USP34: variants seen among roughly 807,000 people sequenced by gnomAD.
USP34 encodes the protein ubiquitin carboxyl-terminal hydrolase 34.
A neutral mutation model predicts 460.3 loss-of-function variants in USP34; 70 were observed. The ratio of observed to expected loss-of-function variants is 0.15; its 90% confidence interval spans 0.13 to 0.19. The LOEUF is 0.19. Ranked by LOEUF, USP34 falls within the 10% of genes least tolerant of loss-of-function variation. USP34 has a pLI of 1.00. For missense variants in USP34, 3,985 were observed against 4,236.2 expected, an observed-to-expected ratio of 0.94 and a Z score of 1.65; for synonymous variants, 1,647 against 1,405.3, an observed-to-expected ratio of 1.17 and a Z score of -3.85.
intron 49 of USP34, among the ~76,000 whole-genome samples, chr2:61,247,055 T>C (rs1267154967): frequency 6.6e-6 from 1 of 152,012 alleles, no homozygotes; most frequent in East Asian, 1.9e-4. Context: ...AAACACTACG[T>C]ATTAAGAGAT....
chr2:61,300,361 G>C (rs1363800422), intron 29 of USP34, among the ~76,000 whole-genome samples: 1 of 151,608 alleles, frequency 6.6e-6, no homozygotes, highest in Admixed American at 6.6e-5. Flanking sequence ...GCTAATTTTT[G>C]TATTTTTAGT....
chr2:61,437,692 G>A (rs1178798752), intron 1 of USP34, among the ~76,000 whole-genome samples: 1 of 152,026 alleles, frequency 6.6e-6, no homozygotes, highest in Non-Finnish European at 1.5e-5. Flanking sequence ...AGAATGGCTT[G>A]AACACGGGAG....
At chr2:61,397,888 G>A (rs901967498) in intron 3 of USP34, among the ~76,000 whole-genome samples, 3 of 151,142 alleles carry the variant, frequency 2.0e-5, no homozygotes, top group Admixed American at 6.6e-5. Flanking sequence ...GACAAAGCAA[G>A]ACTTCATCTC....
chr2:61,369,205 TACCACAAGTAA>T (rs1692530064), intron 10 of USP34, among the ~76,000 whole-genome samples: 1 of 152,376 alleles, frequency 6.6e-6, no homozygotes, highest in South Asian at 2.1e-4. Context: ...TACCAGTATC[TACCACAAGTAA>T]ACCACACATA....
intron 10 of USP34, among the ~76,000 whole-genome samples, chr2:61,358,188 C>G (rs2103805169): frequency 9.1e-6 from 1 of 110,286 alleles, no homozygotes; most frequent in East Asian, 3.8e-4. Context: ...AGCGAGATTC[C>G]ATCTAAAATA....
chr2:61,281,322 A>AT, intron 37 of USP34, 80 bp from the exon 38 acceptor site: 1 of 1,478,522 alleles, frequency 6.8e-7, no homozygotes, highest in Non-Finnish European at 9.1e-7. Context: ...ATTTTAGGTG[A>AT]TTTTAAATAC....
intron 8 of USP34, among the ~76,000 whole-genome samples, chr2:61,375,416 CAT>C (rs1369055383): frequency 6.6e-6 from 1 of 152,004 alleles, no homozygotes; most frequent in African/African-American, 2.4e-5. Context: ...AAAATGAAAA[CAT>C]ATGATCACAA....
At chr2:61,314,036 T>C (rs1388094645) in intron 25 of USP34, among the ~76,000 whole-genome samples, 1 of 152,110 alleles carries the variant, frequency 6.6e-6, no homozygotes, top group Non-Finnish European at 1.5e-5. Context: ...AAATATTAAT[T>C]TGCTTTATTT....
chr2:61,416,833 C>CGGGG (rs1694210858), intron 2 of USP34: 1 of 241,148 alleles, frequency 4.1e-6, no homozygotes, highest in African/African-American at 3.1e-5. Flanking sequence ...GGGGGGGGGA[C>CGGGG]AGGAAGTAGA....
chr2:61,266,173 G>T lies in USP34; in HGVS notation c.5434-6C>A. The T allele has an allele frequency of 1.2e-6, 2 of 1,602,700 alleles. No homozygotes were observed. Among genetic ancestry groups the T allele is most frequent in the Admixed American group, 1.7e-5 (1 of 59,626 alleles). ...AAGATATCTCTCAAAAATTCCTGGG[G>T]AGTAAAAGGAAACATGTTATCTAAA... On this transcript the variant is annotated splice_polypyrimidine_tract_variant and splice_region_variant and intron_variant, in intron 41 of 79. Coordinates refer to ENST00000398571, the MANE Select transcript of USP34 (RefSeq NM_014709.4).
chr2:61,301,163 A>G lies in USP34; in HGVS notation c.3919-3T>C. 1 of 1,557,004 alleles carries G rather than the reference A, an allele frequency of 6.4e-7. No homozygotes were observed. On this transcript the variant is annotated splice_polypyrimidine_tract_variant and splice_region_variant and intron_variant, in intron 28 of 79. Coordinates refer to ENST00000398571, the MANE Select transcript of USP34 (RefSeq NM_014709.4). Reference sequence around the variant, plus strand: ...GCACCCAAAGATACAAATACCATCTATAAAAAACAGGAAAAAAAATTTATG... The same window carrying G: ...GCACCCAAAGATACAAATACCATCTGTAAAAAACAGGAAAAAAAATTTATG...
At chr2:61,374,442 C>A (rs920828995) in intron 8 of USP34, among the ~76,000 whole-genome samples, 5 of 152,280 alleles carry the variant, frequency 3.3e-5, no homozygotes, top group Middle Eastern at 3.4e-3. Context: ...GTACTTGTGG[C>A]ATTTTCATAG....
At chr2:61,414,919 C>T (rs1694149575) in intron 2 of USP34, among the ~76,000 whole-genome samples, 1 of 152,150 alleles carries the variant, frequency 6.6e-6, no homozygotes, top group African/African-American at 2.4e-5. Context: ...GCTGAAGTTA[C>T]AAAGTTATAC....
chr2:61,432,574 T>C (rs1428691405), intron 1 of USP34, among the ~76,000 whole-genome samples: 1 of 152,006 alleles, frequency 6.6e-6, no homozygotes, highest in Non-Finnish European at 1.5e-5. Context: ...AGCTCAAGAG[T>C]TCTAGGCCAG....
chr2:61,402,919 T>C (rs1693763633), intron 3 of USP34, among the ~76,000 whole-genome samples: 1 of 152,276 alleles, frequency 6.6e-6, no homozygotes, highest in Non-Finnish European at 1.5e-5. Flanking sequence ...CTAAGACCAT[T>C]TGAAACAGTT....
Position 61,395,145 on chromosome 2 carries a change from A to G in USP34, c.603+38T>C, listed in dbSNP as rs369588541. The G allele has an allele frequency of 1.5e-5, 22 of 1,482,096 alleles. No homozygotes were observed. In the African/African-American group the frequency reaches 2.7e-4, roughly 18 times the overall value. The allele number at this position is 1,482,096 out of a possible 1,614,324, so 91.8% of individuals were successfully genotyped here. On this transcript the variant is annotated intron_variant, in intron 4 of 79. Transcript: ENST00000398571. The stretch of plus-strand genomic sequence containing the variant: ...TGGATGAGGCTTTGTTAAAAAAATA[A>G]AATTTTCCATAAAAGAATAAAAAAG...
intron 10 of USP34, among the ~76,000 whole-genome samples, chr2:61,361,957 C>T (rs1692288432): frequency 6.6e-6 from 1 of 151,406 alleles, no homozygotes; most frequent in Admixed American, 6.6e-5. Context: ...TCATACAACT[C>T]AATAGCAAAA....
chr2:61,341,107 TTCTA>T (rs1691585410), intron 16 of USP34, among the ~76,000 whole-genome samples: 2 of 152,188 alleles, frequency 1.3e-5, no homozygotes, highest in African/African-American at 4.8e-5. Context: ...TTTCTTCTAT[TTCTA>T]GCTTCTTTTG....
Position 61,317,687 on chromosome 2 carries a change from A to G in USP34, c.3249T>C (p.Ala1083=). Residue 1083 remains alanine, a synonymous_variant, in exon 23 of 80, where the codon GCT becomes GCC. Coordinates refer to ENST00000398571, the MANE Select transcript of USP34 (RefSeq NM_014709.4). ...TTGAACAACCATCATAGGCACTGGT[A>G]GCCAATCGAGCCAAGTTACAGAGAT... The part of the protein sequence containing the change: ...FQHLCNLARL[A]TSAYDGCSNS... The G allele has an allele frequency of 1.2e-6, 2 of 1,614,132 alleles. No individual in the cohort carries two copies. Among genetic ancestry groups the G allele is most frequent in the South Asian group, 1.1e-5 (1 of 91,072 alleles).
Sources: gnomAD v4.1 joint callset for allele counts (sites outside exome capture counted in the v4.1 genomes callset) on GRCh38, gnomAD v4.1.1 for gene constraint, MANE v1.5 for transcripts, NCBI Gene and HGNC (gene_info 2026-07-23, HGNC 2026-07-21) for gene names.